Variants in LY96 observed in about 807,000 individuals in gnomAD.
LY96 encodes lymphocyte antigen 96.
A neutral mutation model predicts 18.9 loss-of-function variants in LY96; 18 were observed. The observed-to-expected ratio is 0.95, with a 90% CI of 0.66 to 1.41. LY96 has a LOEUF of 1.41. Ranked by LOEUF, LY96 falls within the 40% of genes most tolerant of loss-of-function variation. The probability of loss-of-function intolerance (pLI) is 0.00; values close to 1 mark genes in which losing one functional copy is unlikely to be tolerated. For missense variants in LY96, 175 were observed against 182.4 expected (o/e 0.96, Z 0.23); for synonymous variants, 66 against 62.6 (o/e 1.06, Z -0.26).
the LY96 span, among the ~76,000 whole-genome samples, chr8:74,065,368 T>G: frequency 6.6e-6 from 1 of 152,238 alleles, no homozygotes; most frequent in Non-Finnish European, 1.5e-5. Context: ...TAGAGTTTGG[T>G]TCTTTTCATC....
At chr8:74,085,972 A>G in the LY96 span, among the ~76,000 whole-genome samples, 1 of 152,174 alleles carries the variant, frequency 6.6e-6, no homozygotes, top group African/African-American at 2.4e-5. Flanking sequence ...ACCCTGCGGT[A>G]AATTAGATCC....
intron 2 of LY96, among the ~76,000 whole-genome samples, chr8:74,007,823 G>T (rs1008728690): frequency 1.3e-5 from 2 of 152,126 alleles, no homozygotes; most frequent in African/African-American, 4.8e-5. Flanking sequence ...GCAGTGGCGT[G>T]ATCTCGGCGC....
intron 3 of LY96, among the ~76,000 whole-genome samples, chr8:74,020,025 T>C (rs1816727287): frequency 6.6e-6 from 1 of 152,142 alleles, no homozygotes; most frequent in Non-Finnish European, 1.5e-5. Flanking sequence ...CAGGGATGCC[T>C]CTCTCACCAC....
chr8:74,097,381 G>T, the LY96 span, among the ~76,000 whole-genome samples: 1 of 152,118 alleles, frequency 6.6e-6, no homozygotes, highest in African/African-American at 2.4e-5. Flanking sequence ...TGTAACAGTA[G>T]TAGTGTTATT....
the LY96 span, among the ~76,000 whole-genome samples, chr8:74,080,546 G>A: frequency 6.6e-6 from 1 of 152,178 alleles, no homozygotes; most frequent in African/African-American, 2.4e-5. Context: ...AGGTTTTCAA[G>A]CTGTGCGTAT....
chr8:73,993,685 C>G (rs569091179), intron 1 of LY96, among the ~76,000 whole-genome samples: 2 of 152,062 alleles, frequency 1.3e-5, no homozygotes, highest in Non-Finnish European at 2.9e-5. Flanking sequence ...TCAGGTGATC[C>G]GCCCACCTTG....
chr8:74,058,177 G>GA, the LY96 span, among the ~76,000 whole-genome samples: 123 of 143,872 alleles, frequency 8.5e-4, no homozygotes, highest in African/African-American at 1.4e-3. Context: ...TTGTAAGGGT[G>GA]AAAAAAAAAA....
At chr8:74,074,367 G>A in the LY96 span, among the ~76,000 whole-genome samples, 1 of 151,716 alleles carries the variant, frequency 6.6e-6, no homozygotes, top group East Asian at 1.9e-4. Context: ...TAATTATTTT[G>A]TGTCATAAAT....
intron 2 of LY96, among the ~76,000 whole-genome samples, chr8:74,009,388 A>G (rs1405564624): frequency 1.3e-5 from 2 of 150,356 alleles, no homozygotes; most frequent in African/African-American, 4.9e-5. Context: ...AAAAAAAAAA[A>G]AAAAAAAAAA....
intron 1 of LY96, among the ~76,000 whole-genome samples, chr8:73,996,368 CA>C (rs1563707753): frequency 0.014 from 904 of 62,476 alleles, 27 homozygotes; most frequent in South Asian, 0.019. Flanking sequence ...TTCCTTCCTT[CA>C]TTCCTTTCTT....
At chr8:74,019,528 C>G (rs2131277888) in intron 3 of LY96, among the ~76,000 whole-genome samples, 1 of 152,252 alleles carries the variant, frequency 6.6e-6, no homozygotes. Flanking sequence ...TGAAACTATT[C>G]CAATCAATAG....
At chr8:74,022,610 G>T (rs1023981318) in intron 3 of LY96, among the ~76,000 whole-genome samples, 2 of 137,064 alleles carry the variant, frequency 1.5e-5, no homozygotes, top group Admixed American at 7.7e-5. Flanking sequence ...ACAGGGTCTC[G>T]CCCTGTCGCC....
chr8:74,037,618 G>A, the LY96 span, among the ~76,000 whole-genome samples: 1 of 152,102 alleles, frequency 6.6e-6, no homozygotes, highest in Non-Finnish European at 1.5e-5. Flanking sequence ...GGGCAACAGA[G>A]TGAGACTCTG....
At chr8:74,048,498 G>C in the LY96 span, among the ~76,000 whole-genome samples, 1 of 152,132 alleles carries the variant, frequency 6.6e-6, no homozygotes, top group South Asian at 2.1e-4. Flanking sequence ...GGAACCCAGG[G>C]CCCTTCTGCC....
At chr8:73,996,139 C>A (rs1370922274) in intron 1 of LY96, among the ~76,000 whole-genome samples, 2 of 152,164 alleles carry the variant, frequency 1.3e-5, no homozygotes, top group African/African-American at 4.8e-5. Context: ...GCACTCCAGT[C>A]TGGGCAACAG....
At position 73,998,092 on chromosome 8, in the gene LY96, C is replaced by G. The variant is rs536792331; in HGVS notation, c.112+6538C>G. On this transcript the variant is annotated intron_variant, in intron 1 of 4. Transcript: ENST00000284818. ...CTTCTCATCATGGCTTGGTCTTTCT[C>G]ATAACTGGCCCTTATCCAGGAACCC... 9.9e-5 allele frequency among the ~76,000 whole-genome samples: 15 copies of G among 152,282 alleles called. No homozygotes were observed. The South Asian group carries it at 2.9e-3, about 29-fold the overall frequency.
chr8:74,093,138 C>T, the LY96 span, among the ~76,000 whole-genome samples: 21 of 152,240 alleles, frequency 1.4e-4, no homozygotes, highest in South Asian at 1.2e-3. Context: ...TGTGTCTGGA[C>T]GCTGTTTCTT....
intron 3 of LY96, among the ~76,000 whole-genome samples, chr8:74,014,859 C>A (rs916354305): frequency 1.3e-4 from 19 of 150,256 alleles, no homozygotes; most frequent in Middle Eastern, 3.2e-3. Context: ...ATATCTGTTT[C>A]TCTCAAAAAC....
At chr8:74,005,559 A>T (rs944999031) in intron 2 of LY96, among the ~76,000 whole-genome samples, 1 of 152,242 alleles carries the variant, frequency 6.6e-6, no homozygotes, top group African/African-American at 2.4e-5. Flanking sequence ...TCTGTGTGTC[A>T]GCAAGCCAGG....
Sources: gnomAD v4.1 joint callset for allele counts (sites outside exome capture counted in the v4.1 genomes callset) on GRCh38, gnomAD v4.1.1 for gene constraint, MANE v1.5 for transcripts, NCBI Gene and HGNC (gene_info 2026-07-23, HGNC 2026-07-21) for gene names.